GPC5: variants seen among roughly 807,000 people sequenced by gnomAD.
The protein encoded by GPC5 is glypican-5.
Under a neutral mutation model 53.9 loss-of-function variants are expected in GPC5, and 47 were observed. The ratio of observed to expected loss-of-function variants is 0.87; its 90% CI spans 0.69 to 1.11. The LOEUF (loss-of-function observed/expected upper bound fraction) is 1.11, where lower values mean the gene tolerates loss of function less well. Among genes scored for constraint, GPC5 ranks in the 50% most tolerant of loss-of-function variants. GPC5 has a pLI of 0.00. For missense variants in GPC5, 748 were observed against 713.1 expected, an observed-to-expected ratio of 1.05 and a Z score of -0.56; for synonymous variants, 286 against 263.3, an observed-to-expected ratio of 1.09 and a Z score of -0.84.
chr13:91,604,199 G>C (rs1392534603), intron 2 of GPC5, among the ~76,000 whole-genome samples: 7 of 143,782 alleles, frequency 4.9e-5, no homozygotes, highest in African/African-American at 1.8e-4. Context: ...GAGAATATGC[G>C]GTGTTTGGTT....
At chr13:92,766,739 A>C (rs1012297839) in intron 7 of GPC5, among the ~76,000 whole-genome samples, 1 of 152,218 alleles carries the variant, frequency 6.6e-6, no homozygotes, top group African/African-American at 2.4e-5. Context: ...AGAGAGAGAG[A>C]GAGCACAAAT....
At chr13:92,048,573 T>C (rs553514306) in intron 6 of GPC5, among the ~76,000 whole-genome samples, 2 of 152,184 alleles carry the variant, frequency 1.3e-5, no homozygotes, top group Non-Finnish European at 2.9e-5. Flanking sequence ...TTTGTGTAAG[T>C]TTTAAAAACT....
At chr13:92,641,624 A>C (rs1361755980) in intron 7 of GPC5, among the ~76,000 whole-genome samples, 3 of 152,046 alleles carry the variant, frequency 2.0e-5, no homozygotes. Flanking sequence ...TTTACTTCCC[A>C]ATTGGTTTGA....
intron 7 of GPC5, among the ~76,000 whole-genome samples, chr13:92,413,174 A>T (rs7333480): frequency 6.6e-6 from 1 of 152,108 alleles, no homozygotes; most frequent in Non-Finnish European, 1.5e-5. Flanking sequence ...AACCTTGATT[A>T]TATTTCACTC....
At chr13:91,775,328 C>T (rs1237089243) in intron 5 of GPC5, among the ~76,000 whole-genome samples, 1 of 152,058 alleles carries the variant, frequency 6.6e-6, no homozygotes, top group East Asian at 1.9e-4. Flanking sequence ...CTGGTGTCTC[C>T]ATTTTACCAC....
At chr13:92,071,537 T>C (rs988704730) in intron 6 of GPC5, among the ~76,000 whole-genome samples, 5 of 152,098 alleles carry the variant, frequency 3.3e-5, no homozygotes, top group African/African-American at 1.2e-4. Context: ...CATTATCTGC[T>C]GAGTAAACTT....
intron 5 of GPC5, among the ~76,000 whole-genome samples, chr13:91,826,652 C>CA (rs1469508857): frequency 6.6e-6 from 1 of 151,944 alleles, no homozygotes; most frequent in East Asian, 1.9e-4. Flanking sequence ...AAATTAAAGT[C>CA]AGAGTATTCA....
chr13:91,943,613 T>C (rs1038263037), intron 6 of GPC5, among the ~76,000 whole-genome samples: 2 of 152,194 alleles, frequency 1.3e-5, no homozygotes, highest in Non-Finnish European at 2.9e-5. Flanking sequence ...GCTGACTCAA[T>C]TTTTGTGGAT....
intron 2 of GPC5, among the ~76,000 whole-genome samples, chr13:91,629,301 G>A (rs576084590): frequency 2.2e-4 from 33 of 152,216 alleles, no homozygotes; most frequent in African/African-American, 7.7e-4. Context: ...TGTCATAAAA[G>A]CTGAATGAAT....
At chr13:91,518,398 A>G (rs1003491082) in intron 2 of GPC5, among the ~76,000 whole-genome samples, 2 of 152,186 alleles carry the variant, frequency 1.3e-5, no homozygotes, top group Non-Finnish European at 2.9e-5. Context: ...AACAAAAGAA[A>G]GAAAATCTAA....
At chr13:92,123,673 C>T (rs1006255139) in intron 6 of GPC5, among the ~76,000 whole-genome samples, 1 of 152,078 alleles carries the variant, frequency 6.6e-6, no homozygotes, top group Admixed American at 6.6e-5. Context: ...AGATTGTAAA[C>T]AAGGGGACAA....
Position 91,497,308 on chromosome 13 carries a change from AT to A in GPC5, c.325+48397del, listed in dbSNP as rs10551030. Among the ~76,000 whole-genome samples the A allele has an allele frequency of 2.4e-3, 358 of 149,474 alleles. 1 individual carries two copies. Among genetic ancestry groups the A allele is most frequent in the African/African-American group, 7.4e-3 (296 of 40,264 alleles). On this transcript the variant is annotated intron_variant, in intron 2 of 7. Transcript: ENST00000377067. ...GTCAGATATAGTTTATGCTTCAGAT[AT>A]TTTTTTTTTTAAACCAGTGAATTTT...
intron 7 of GPC5, among the ~76,000 whole-genome samples, chr13:92,719,273 A>T (rs1317736515): frequency 1.3e-5 from 2 of 152,010 alleles, no homozygotes; most frequent in Non-Finnish European, 2.9e-5. Context: ...AATGACACAT[A>T]AGAAAATGAG....
chr13:91,422,952 G>T (rs1406902871), intron 1 of GPC5, among the ~76,000 whole-genome samples: 1 of 152,182 alleles, frequency 6.6e-6, no homozygotes, highest in East Asian at 1.9e-4. Flanking sequence ...TGCAGATTAA[G>T]TTTCAACATG....
At chr13:91,808,680 C>T (rs1371901319) in intron 5 of GPC5, among the ~76,000 whole-genome samples, 1 of 152,134 alleles carries the variant, frequency 6.6e-6, no homozygotes, top group Non-Finnish European at 1.5e-5. Flanking sequence ...TTTGAAACCT[C>T]GCTGATTTCT....
intron 7 of GPC5, among the ~76,000 whole-genome samples, chr13:92,483,965 G>A (rs1879455523): frequency 6.6e-6 from 1 of 151,908 alleles, no homozygotes; most frequent in Non-Finnish European, 1.5e-5. Flanking sequence ...GCAAAACCTT[G>A]TCTCTACAAA....
chr13:92,706,082 C>T (rs1460963626), intron 7 of GPC5: 1 of 151,982 alleles, frequency 6.6e-6, no homozygotes, highest in Admixed American at 6.6e-5. Context: ...AAGAAAGACT[C>T]TGTTGAGGTA....
intron 2 of GPC5, among the ~76,000 whole-genome samples, chr13:91,674,882 T>C (rs187561868): frequency 2.0e-5 from 3 of 151,936 alleles, no homozygotes; most frequent in Non-Finnish European, 4.4e-5. Flanking sequence ...TTCTCTCTAC[T>C]GATACTGTTT....
chr13:92,125,789 G>T (rs748151531), intron 6 of GPC5, among the ~76,000 whole-genome samples: 1 of 152,108 alleles, frequency 6.6e-6, no homozygotes, highest in Non-Finnish European at 1.5e-5. Context: ...ATAGTGCAAA[G>T]TAGTATCATG....
Sources: gnomAD v4.1 joint callset for allele counts (sites outside exome capture counted in the v4.1 genomes callset) on GRCh38, gnomAD v4.1.1 for gene constraint, MANE v1.5 for transcripts, NCBI Gene and HGNC (gene_info 2026-07-23, HGNC 2026-07-21) for gene names.